The following PRSS12 variants were observed in gnomAD, a reference collection of about 807,000 sequenced individuals.
The protein encoded by PRSS12 is neurotrypsin.
A neutral mutation model predicts 104.4 loss-of-function variants in PRSS12; 85 were observed. That is an observed-to-expected ratio of 0.81 (90% CI 0.68 to 0.98). The LOEUF (loss-of-function observed/expected upper bound fraction) is 0.98. Ranked by LOEUF, PRSS12 falls within the 50% of genes least tolerant of loss-of-function variation. PRSS12 has a pLI of 0.00. For synonymous variants in PRSS12, 454 were observed against 425.2 expected (o/e 1.07, Z -0.83); for missense variants, 1,141 against 1,139.2 (o/e 1.00, Z -0.02).
intron 1 of PRSS12, among the ~76,000 whole-genome samples, chr4:118,346,910 C>T (rs984736312): frequency 5.9e-5 from 9 of 152,106 alleles, no homozygotes; most frequent in Admixed American, 4.6e-4. Context: ...GTCCCTGGTG[C>T]CAAAAAGGTT....
At chr4:118,322,910 C>G (rs549284977) in intron 4 of PRSS12, among the ~76,000 whole-genome samples, 1 of 151,072 alleles carries the variant, frequency 6.6e-6, no homozygotes, top group Non-Finnish European at 1.5e-5. Flanking sequence ...ATTTTATAAA[C>G]GCCAGGAAAA....
chr4:118,338,324 A>G lies in PRSS12; in HGVS notation c.503-10T>C. 3 of 1,613,894 alleles carry G rather than the reference A, an allele frequency of 1.9e-6. 1 individual carries two copies. The highest frequency in any genetic ancestry group is 2.5e-6 in the Non-Finnish European group (3 of 1,179,846). On this transcript the variant is annotated splice_polypyrimidine_tract_variant and intron_variant, in intron 1 of 12. Coordinates refer to ENST00000296498, the MANE Select transcript of PRSS12 (RefSeq NM_003619.4). ...CGAAGTCGTACTGATCCTAAAGTGG[A>G]AAAGAATCCCAAAACCCTTTAATAG...
chr4:118,352,164 C>T, intron 1 of PRSS12, 55 bp downstream of exon 1: 2 of 1,603,862 alleles, frequency 1.2e-6, no homozygotes, highest in African/African-American at 1.3e-5. Flanking sequence ...CGGCCCCAAG[C>T]CTCACTGGCT....
intron 8 of PRSS12, among the ~76,000 whole-genome samples, chr4:118,300,105 G>A (rs1310670109): frequency 1.3e-5 from 2 of 151,844 alleles, no homozygotes; most frequent in African/African-American, 4.8e-5. Context: ...TGAACTCTTG[G>A]GCTCGGGAGA....
At chr4:118,345,292 A>T (rs1362174244) in intron 1 of PRSS12, among the ~76,000 whole-genome samples, 1 of 152,148 alleles carries the variant, frequency 6.6e-6, no homozygotes, top group African/African-American at 2.4e-5. Flanking sequence ...TGTTTTGCAT[A>T]CAATAATTTT....
intron 8 of PRSS12, among the ~76,000 whole-genome samples, chr4:118,300,250 C>T (rs945848737): frequency 1.5e-4 from 23 of 151,984 alleles, no homozygotes; most frequent in Admixed American, 2.6e-4. Flanking sequence ...TGACCTCAAG[C>T]GATCCACCCA....
At chr4:118,305,223 A>G (rs1393924152) in intron 8 of PRSS12, among the ~76,000 whole-genome samples, 1 of 151,650 alleles carries the variant, frequency 6.6e-6, no homozygotes, top group Non-Finnish European at 1.5e-5. Context: ...ATATTCAAGT[A>G]TATTTAATCA....
At chr4:118,316,580 G>C (rs746315239) in intron 5 of PRSS12, among the ~76,000 whole-genome samples, 1 of 148,566 alleles carries the variant, frequency 6.7e-6, no homozygotes, top group Non-Finnish European at 1.5e-5. Context: ...CCAGCATTTC[G>C]GGAGGCTGAG....
At chr4:118,311,983 A>G (rs142890310) in intron 7 of PRSS12, among the ~76,000 whole-genome samples, 3 of 152,272 alleles carry the variant, frequency 2.0e-5, no homozygotes, top group African/African-American at 7.2e-5. Context: ...CACATCCACC[A>G]CATAATCCTG....
At chr4:118,304,564 C>G (rs1428071283) in intron 8 of PRSS12, among the ~76,000 whole-genome samples, 1 of 151,810 alleles carries the variant, frequency 6.6e-6, no homozygotes, top group Non-Finnish European at 1.5e-5. Flanking sequence ...AATACGCTAA[C>G]AAACATGTTC....
chr4:118,299,764 TTAAATAAAATAAAATAAAATAAAATAAAA>T (rs1743353613), intron 8 of PRSS12, among the ~76,000 whole-genome samples: 1 of 82,508 alleles, frequency 1.2e-5, no homozygotes. Context: ...ATAAATAAAA[TTAAATAAAATAAAATAAAATAAAATAAAA>T]TAAATAAAAT....
chr4:118,311,211 T>C (rs573750481), intron 7 of PRSS12, among the ~76,000 whole-genome samples: 1 of 152,268 alleles, frequency 6.6e-6, no homozygotes, highest in South Asian at 2.1e-4. Flanking sequence ...ATTTTTACCA[T>C]CCCAGAAATT....
chr4:118,320,678 A>G (rs1723590409), intron 4 of PRSS12, among the ~76,000 whole-genome samples: 1 of 152,122 alleles, frequency 6.6e-6, no homozygotes, highest in Admixed American at 6.5e-5. Context: ...GCTGGAACCC[A>G]GGAAGTCAAG....
rs1034708694 is a variant in PRSS12 at position 118,304,192 on chromosome 4, G to C, written c.1631+4244C>G. 9.9e-5 allele frequency among the ~76,000 whole-genome samples: 15 copies of C among 151,654 alleles called. No homozygotes were observed. In the East Asian group the frequency reaches 2.7e-3, roughly 27 times the overall value. On this transcript the variant is annotated intron_variant, in intron 8 of 12. Coordinates refer to ENST00000296498, the MANE Select transcript of PRSS12 (RefSeq NM_003619.4). Reference sequence around the variant, plus strand: ...TGTATGTGTGTATGTGTGCATATATGTGTGTGTATATATACATATACACAC... The same window carrying C: ...TGTATGTGTGTATGTGTGCATATATCTGTGTGTATATATACATATACACAC...
chr4:118,331,044 A>C (rs889328370), intron 4 of PRSS12, among the ~76,000 whole-genome samples: 3 of 152,192 alleles, frequency 2.0e-5, no homozygotes, highest in African/African-American at 4.8e-5. Flanking sequence ...TATTTTTTAA[A>C]ATCTGAAGAA....
intron 1 of PRSS12, among the ~76,000 whole-genome samples, chr4:118,341,678 A>G (rs1231924692): frequency 2.0e-5 from 3 of 152,122 alleles, no homozygotes; most frequent in East Asian, 3.9e-4. Flanking sequence ...GCAAAACTCC[A>G]TCTCAAAAGC....
intron 9 of PRSS12, among the ~76,000 whole-genome samples, chr4:118,297,723 T>C (rs1417253788): frequency 6.6e-6 from 1 of 152,046 alleles, no homozygotes; most frequent in Non-Finnish European, 1.5e-5. Context: ...TTTAACAAAA[T>C]CCAGTGTATC....
intron 3 of PRSS12, 129 bp from the exon 4 acceptor site, chr4:118,331,995 G>T: frequency 8.8e-7 from 1 of 1,141,742 alleles, no homozygotes; most frequent in Non-Finnish European, 1.3e-6. Flanking sequence ...CCAGTGATAT[G>T]GACATACGTA....
intron 1 of PRSS12, 103 bp downstream of exon 1, chr4:118,352,116 C>T (rs1480697698): frequency 1.1e-5 from 16 of 1,515,630 alleles, no homozygotes; most frequent in Non-Finnish European, 1.4e-5. Context: ...GCCCACAACC[C>T]CACACACCCC....
Sources: allele counts gnomAD v4.1 joint callset (sites outside exome capture counted in the v4.1 genomes callset), GRCh38; gene constraint gnomAD v4.1.1; transcripts MANE v1.5; gene names NCBI Gene and HGNC (gene_info 2026-07-23, HGNC 2026-07-21).